Variants in ATRNL1 observed in about 807,000 individuals in gnomAD.
ATRNL1 encodes attractin like 1.
A neutral mutation model predicts 182.7 loss-of-function variants in ATRNL1; 95 were observed. The observed-to-expected ratio is 0.52, with a 90% CI of 0.44 to 0.62. The LOEUF (loss-of-function observed/expected upper bound fraction) is 0.62. Among genes scored for constraint, ATRNL1 ranks in the 20% least tolerant of loss-of-function variants. The pLI is 0.00. For missense variants in ATRNL1, 1,471 were observed against 1,679.5 expected, an observed-to-expected ratio of 0.88 and a Z score of 2.17; for synonymous variants, 576 against 568.3, an observed-to-expected ratio of 1.01 and a Z score of -0.19.
intron 18 of ATRNL1, among the ~76,000 whole-genome samples, chr10:115,317,287 T>G (rs1554929980): frequency 6.6e-6 from 1 of 151,020 alleles, no homozygotes; most frequent in African/African-American, 2.4e-5. Context: ...CTGTTTTGGT[T>G]ACTGTAGTCT....
Position 115,945,621 on chromosome 10 carries a change from T to C in ATRNL1, c.*842T>C, listed in dbSNP as rs531361337. 2 of 152,348 alleles carry C rather than the reference T, an allele frequency of 1.3e-5. No individual in the cohort carries two copies. The highest frequency in any genetic ancestry group is 2.9e-5 in the Non-Finnish European group (2 of 68,030). The allele number at this position is 152,348 out of a possible 1,614,324, so 9.4% of individuals were successfully genotyped here. On this transcript the variant is annotated 3_prime_UTR_variant, in exon 29 of 29. Coordinates refer to ENST00000355044, the MANE Select transcript of ATRNL1 (RefSeq NM_207303.4). ...TCTGCTCCAGTATGATAATTTTTAA[T>C]TGCCTAAGAATCATTGGATCAGACC...
chr10:115,896,632 C>T (rs1391333501), intron 28 of ATRNL1, among the ~76,000 whole-genome samples: 2 of 152,008 alleles, frequency 1.3e-5, no homozygotes, highest in Admixed American at 6.6e-5. Context: ...GCTTTGGCCT[C>T]ACTACACAAA....
chr10:115,482,139 A>T (rs1303565045), intron 24 of ATRNL1, among the ~76,000 whole-genome samples: 1 of 151,072 alleles, frequency 6.6e-6, no homozygotes, highest in African/African-American at 2.4e-5. Flanking sequence ...TATGTGACTT[A>T]AGATTATACT....
intron 20 of ATRNL1, among the ~76,000 whole-genome samples, chr10:115,409,266 T>C (rs1554959210): frequency 1.3e-5 from 2 of 152,188 alleles, no homozygotes; most frequent in African/African-American, 4.8e-5. Flanking sequence ...TAGTTTTCCT[T>C]GTAGAGTTCT....
chr10:115,631,047 C>CT (rs1353725528), intron 26 of ATRNL1, among the ~76,000 whole-genome samples: 1 of 151,336 alleles, frequency 6.6e-6, no homozygotes, highest in African/African-American at 2.4e-5. Flanking sequence ...TAGGACTATG[C>CT]TTACCAGGGG....
At chr10:115,537,829 T>A (rs1852126845) in intron 25 of ATRNL1, among the ~76,000 whole-genome samples, 1 of 152,138 alleles carries the variant, frequency 6.6e-6, no homozygotes, top group Non-Finnish European at 1.5e-5. Flanking sequence ...TCTCCCAGGA[T>A]ACAGAACAAT....
intron 27 of ATRNL1, among the ~76,000 whole-genome samples, chr10:115,772,346 C>G (rs1391582966): frequency 6.6e-6 from 1 of 152,132 alleles, no homozygotes; most frequent in Non-Finnish European, 1.5e-5. Flanking sequence ...TACCAAGTCT[C>G]ACTGAAGTGT....
At chr10:115,848,486 A>T (rs1051079149) in intron 28 of ATRNL1, among the ~76,000 whole-genome samples, 1 of 152,144 alleles carries the variant, frequency 6.6e-6, no homozygotes, top group African/African-American at 2.4e-5. Flanking sequence ...TAGGTTTAAG[A>T]TATGCCATTG....
At chr10:115,130,202 G>C (rs1420990630) in intron 5 of ATRNL1, among the ~76,000 whole-genome samples, 1 of 151,992 alleles carries the variant, frequency 6.6e-6, no homozygotes, top group Non-Finnish European at 1.5e-5. Context: ...TACCCACCTA[G>C]AGCTTACTTT....
At chr10:115,815,520 C>CA (rs1555088333) in intron 27 of ATRNL1, among the ~76,000 whole-genome samples, 1 of 150,294 alleles carries the variant, frequency 6.7e-6, no homozygotes, top group Non-Finnish European at 1.5e-5. Context: ...TTTCTTAAAT[C>CA]ACAAATTACA....
chr10:115,679,796 T>C (rs1442905380), intron 26 of ATRNL1, among the ~76,000 whole-genome samples: 2 of 152,150 alleles, frequency 1.3e-5, no homozygotes, highest in Admixed American at 1.3e-4. Flanking sequence ...AGTTAGCTTT[T>C]CCAAAATTGC....
intron 24 of ATRNL1, among the ~76,000 whole-genome samples, chr10:115,506,471 A>G (rs782562307): frequency 2.4e-4 from 36 of 152,052 alleles, no homozygotes; most frequent in Non-Finnish European, 4.6e-4. Flanking sequence ...CTACTTACCT[A>G]GGGATGGGTC....
intron 8 of ATRNL1, among the ~76,000 whole-genome samples, chr10:115,194,435 A>G (rs1015404934): frequency 6.6e-6 from 1 of 152,002 alleles, no homozygotes; most frequent in Non-Finnish European, 1.5e-5. Context: ...CTTTATCATT[A>G]TGTAATAACC....
intron 9 of ATRNL1, among the ~76,000 whole-genome samples, chr10:115,227,036 C>T (rs1554898800): frequency 6.6e-6 from 1 of 151,776 alleles, no homozygotes; most frequent in African/African-American, 2.4e-5. Context: ...TGGCTAAGTC[C>T]CCAAAAGTAA....
chr10:115,677,204 C>T (rs1945892038), intron 26 of ATRNL1, among the ~76,000 whole-genome samples: 1 of 151,992 alleles, frequency 6.6e-6, no homozygotes, highest in Non-Finnish European at 1.5e-5. Flanking sequence ...GCTCTAAATG[C>T]AAATATAAGG....
intron 18 of ATRNL1, among the ~76,000 whole-genome samples, chr10:115,332,142 A>G (rs1281226590): frequency 1.3e-5 from 2 of 152,336 alleles, no homozygotes; most frequent in African/African-American, 2.4e-5. Context: ...GTAGAGAAGC[A>G]TAATGCCTAT....
chr10:115,211,356 G>A (rs995010314), intron 8 of ATRNL1, among the ~76,000 whole-genome samples: 2 of 151,376 alleles, frequency 1.3e-5, no homozygotes, highest in African/African-American at 4.9e-5. Context: ...TTTGAAAACA[G>A]TTGTGCTACT....
intron 20 of ATRNL1, among the ~76,000 whole-genome samples, chr10:115,414,480 C>G (rs1160675001): frequency 6.8e-6 from 1 of 147,682 alleles, no homozygotes; most frequent in Non-Finnish European, 1.5e-5. Context: ...CTACTTACTT[C>G]TAATTTTATG....
chr10:115,461,662 C>G (rs1236225850), intron 21 of ATRNL1, among the ~76,000 whole-genome samples: 1 of 151,858 alleles, frequency 6.6e-6, no homozygotes, highest in African/African-American at 2.4e-5. Flanking sequence ...TATTCACTTA[C>G]TTTTGTATAG....
Sources: allele counts gnomAD v4.1 joint callset (sites outside exome capture counted in the v4.1 genomes callset), GRCh38; gene constraint gnomAD v4.1.1; transcripts MANE v1.5; gene names NCBI Gene and HGNC (gene_info 2026-07-23, HGNC 2026-07-21).